PDPN: variants seen among roughly 807,000 people sequenced by gnomAD.
PDPN encodes the protein podoplanin, also known as PA2.26 antigen.
In PDPN, 12 loss-of-function variants were observed where a neutral mutation model predicts 23.2. The ratio of observed to expected loss-of-function variants is 0.52; its 90% CI spans 0.33 to 0.84. The LOEUF is 0.84. Among genes scored for constraint, PDPN ranks in the 40% least tolerant of loss-of-function variants. PDPN has a pLI of 0.02. For synonymous variants in PDPN, 77 were observed against 76.7 expected (o/e 1.00, Z -0.02); for missense variants, 199 against 212.2 (o/e 0.94, Z 0.39).
Position 13,586,306 on chromosome 1 carries a change from A to T in PDPN, c.67+2206A>T, listed in dbSNP as rs355026. Reference sequence around the variant, plus strand: ...ATGAGTTGTTAAGAGTTTTTGTTGCACTGAAGGCACTTAATAAAGATCAGG... The same window carrying T: ...ATGAGTTGTTAAGAGTTTTTGTTGCTCTGAAGGCACTTAATAAAGATCAGG... On this transcript the variant is annotated intron_variant, in intron 1 of 5. Transcript: ENST00000621990. Among the ~76,000 whole-genome samples the T allele has an allele frequency of 6.2e-3, 947 of 152,292 alleles. 9 individuals carry two copies. The highest frequency in any genetic ancestry group is 0.022 in the African/African-American group (904 of 41,562).
chr1:13,606,953 C>G (rs1172680684), intron 1 of PDPN, among the ~76,000 whole-genome samples: 1 of 152,166 alleles, frequency 6.6e-6, no homozygotes, highest in Non-Finnish European at 1.5e-5. Flanking sequence ...TTTTCATTTT[C>G]CTTTGCTTTG....
chr1:13,583,767 G>T, upstream of PDPN: 1 of 1,499,050 alleles, frequency 6.7e-7, no homozygotes, highest in Non-Finnish European at 8.9e-7. Flanking sequence ...AGACCACCTT[G>T]CGGCCGACCC....
At chr1:13,600,978 C>T (rs555906021) in intron 1 of PDPN, among the ~76,000 whole-genome samples, 68 of 152,260 alleles carry the variant, frequency 4.5e-4, no homozygotes, top group Non-Finnish European at 8.1e-4. Context: ...AGCTGGGAGA[C>T]GCCATGTAAA....
intron 3 of PDPN, among the ~76,000 whole-genome samples, chr1:13,612,950 GAGTTA>G (rs1462272415): frequency 6.6e-6 from 1 of 151,872 alleles, no homozygotes; most frequent in Admixed American, 6.6e-5. Context: ...CCACCCAGAG[GAGTTA>G]AGGACTCGTT....
At chr1:13,609,454 C>A (rs937395797) in intron 2 of PDPN, among the ~76,000 whole-genome samples, 4 of 152,112 alleles carry the variant, frequency 2.6e-5, no homozygotes, top group Admixed American at 2.0e-4. Flanking sequence ...AAAAAAATAA[C>A]ATGAAATTTA....
At position 13,617,082 on chromosome 1, in the gene PDPN, AAAAT is replaced by A. The variant is rs1408373482; in HGVS notation, c.*1175_*1178del. On this transcript the variant is annotated 3_prime_UTR_variant, in exon 6 of 6. Transcript: ENST00000621990. Reference sequence around the variant, plus strand: ...TCTGTGGGGTCCTGTTGAAAAGAACAAAATAAAGGAGCCCAAGGGGTCATTCTGT... The same window carrying A: ...TCTGTGGGGTCCTGTTGAAAAGAACAAAAGGAGCCCAAGGGGTCATTCTGT... 2.0e-5 allele frequency: 3 copies of A among 152,148 alleles called. No individual in the cohort carries two copies. The highest frequency in any genetic ancestry group is 7.2e-5 in the African/African-American group (3 of 41,430). The allele number at this position is 152,148 out of a possible 1,614,324, so 9.4% of individuals were successfully genotyped here.
intron 5 of PDPN, among the ~76,000 whole-genome samples, chr1:13,615,292 CTTTTTCTTTT>C (rs1641041665): frequency 8.9e-6 from 1 of 112,176 alleles, no homozygotes; most frequent in Non-Finnish European, 1.8e-5. Context: ...CTTTCTTTTT[CTTTTTCTTTT>C]TTTTTGAGAC....
At chr1:13,604,837 AC>A (rs531085854) in intron 1 of PDPN, among the ~76,000 whole-genome samples, 65 of 152,200 alleles carry the variant, frequency 4.3e-4, no homozygotes, top group Non-Finnish European at 7.3e-4. Context: ...GCGTTTGCCT[AC>A]ACCACAAGTC....
intron 1 of PDPN, among the ~76,000 whole-genome samples, chr1:13,601,623 C>T (rs1239716998): frequency 6.6e-6 from 1 of 152,158 alleles, no homozygotes; most frequent in African/African-American, 2.4e-5. Context: ...TACCAAAGTG[C>T]TGGGATTACA....
At chr1:13,589,543 C>G (rs1640279162) in intron 1 of PDPN, among the ~76,000 whole-genome samples, 2 of 152,118 alleles carry the variant, frequency 1.3e-5, no homozygotes, top group South Asian at 4.2e-4. Flanking sequence ...TCTTTCAGTC[C>G]TCACAACAGA....
intron 1 of PDPN, chr1:13,584,325 A>C (rs1050440661): frequency 2.7e-5 from 41 of 1,493,644 alleles, no homozygotes; most frequent in Non-Finnish European, 3.6e-5. Flanking sequence ...GGAGCCCCGG[A>C]ATCCACAGGC....
intron 1 of PDPN, among the ~76,000 whole-genome samples, chr1:13,598,556 T>C (rs768366653): frequency 1.3e-5 from 2 of 152,134 alleles, no homozygotes; most frequent in African/African-American, 4.8e-5. Context: ...GGGACTCAAC[T>C]GAGGTCATCC....
intron 1 of PDPN, among the ~76,000 whole-genome samples, chr1:13,605,605 C>T (rs912758214): frequency 2.6e-4 from 39 of 152,144 alleles, no homozygotes; most frequent in African/African-American, 8.2e-4. Flanking sequence ...TAGTCCACTC[C>T]AATTCCCTGC....
At chr1:13,602,960 C>T (rs1332966516) in intron 1 of PDPN, among the ~76,000 whole-genome samples, 1 of 151,984 alleles carries the variant, frequency 6.6e-6, no homozygotes, top group Non-Finnish European at 1.5e-5. Flanking sequence ...GGGAGGACTG[C>T]TTGAACCCAG....
intron 1 of PDPN, among the ~76,000 whole-genome samples, chr1:13,593,777 C>T (rs1449219157): frequency 6.6e-6 from 1 of 152,186 alleles, no homozygotes; most frequent in Admixed American, 6.5e-5. Context: ...TTCCCAAACA[C>T]ACCCCATTGA....
At chr1:13,599,072 G>A (rs1164316164) in intron 1 of PDPN, among the ~76,000 whole-genome samples, 4 of 147,554 alleles carry the variant, frequency 2.7e-5, no homozygotes, top group Admixed American at 6.9e-5. Context: ...GTGTAGTGGC[G>A]CAATCTTGGC....
In PDPN at chr1:13,584,171, C is replaced by G. The variant is rs994994854; in HGVS notation, c.67+71C>G. 14 of 1,568,156 alleles carry G rather than the reference C, an allele frequency of 8.9e-6. No homozygotes were observed. The Middle Eastern group carries it at 8.3e-4, about 93-fold the overall frequency. Reference sequence around the variant, plus strand: ...AGCGAGCAGAGACTTGCTGGAATGCCCGGGCCTGGTATTCGAGGTTGTCCA... The same window carrying G: ...AGCGAGCAGAGACTTGCTGGAATGCGCGGGCCTGGTATTCGAGGTTGTCCA... On this transcript the variant is annotated intron_variant, in intron 1 of 5. Coordinates refer to ENST00000621990, the MANE Select transcript of PDPN (RefSeq NM_006474.5).
chr1:13,602,565 G>GT (rs893149436), intron 1 of PDPN, among the ~76,000 whole-genome samples: 73 of 152,238 alleles, frequency 4.8e-4, no homozygotes, highest in African/African-American at 1.6e-3. Flanking sequence ...CTGATTGAAT[G>GT]TTACATCTAA....
intron 1 of PDPN, among the ~76,000 whole-genome samples, chr1:13,592,662 G>C: frequency 6.7e-6 from 1 of 148,492 alleles, no homozygotes; most frequent in Admixed American, 6.9e-5. Context: ...TGATTCTCCT[G>C]CCTCAGCCTC....
Sources: gnomAD v4.1 joint callset for allele counts (sites outside exome capture counted in the v4.1 genomes callset) on GRCh38, gnomAD v4.1.1 for gene constraint, MANE v1.5 for transcripts, NCBI Gene and HGNC (gene_info 2026-07-23, HGNC 2026-07-21) for gene names.